ADARB2: variants seen among roughly 807,000 people sequenced by gnomAD.
ADARB2 encodes the protein inactive double-stranded RNA-specific editase B2.
Under a neutral mutation model 62.2 loss-of-function variants are expected in ADARB2, and 25 were observed. That is an observed-to-expected ratio of 0.40 (90% confidence interval 0.29 to 0.56). ADARB2 has a LOEUF of 0.56. Among genes scored for constraint, ADARB2 ranks in the 20% least tolerant of loss-of-function variants. The pLI is 0.43. For synonymous variants in ADARB2, 572 were observed against 500.8 expected (o/e 1.14, Z -1.90); for missense variants, 1,071 against 1,077.4 (o/e 0.99, Z 0.08).
chr10:1,568,296 C>T (rs542476372), intron 1 of ADARB2, among the ~76,000 whole-genome samples: 14 of 152,074 alleles, frequency 9.2e-5, no homozygotes, highest in East Asian at 5.8e-4. Context: ...AAACGCTCAG[C>T]GGGGAGGCGG....
intron 1 of ADARB2, among the ~76,000 whole-genome samples, chr10:1,451,609 GAGGGGACACACCTTCCTGAGA>G: frequency 6.6e-6 from 1 of 151,790 alleles, no homozygotes; most frequent in South Asian, 2.1e-4. Flanking sequence ...CCTGTATAAG[GAGGGGACACACCTTCCTGAGA>G]AGGGGACACA....
intron 2 of ADARB2, among the ~76,000 whole-genome samples, chr10:1,365,667 C>T (rs77270166): frequency 0.018 from 2,777 of 152,280 alleles, 37 homozygotes; most frequent in Middle Eastern, 0.034. Context: ...GGTCGGTGGT[C>T]AGGAGCACAA....
chr10:1,344,000 G>A (rs1312438076), intron 3 of ADARB2, among the ~76,000 whole-genome samples: 1 of 152,128 alleles, frequency 6.6e-6, no homozygotes, highest in African/African-American at 2.4e-5. Flanking sequence ...TAGCAAACCT[G>A]CACATGTACC....
chr10:1,588,804 A>T (rs1253968059), intron 1 of ADARB2, among the ~76,000 whole-genome samples: 1 of 152,154 alleles, frequency 6.6e-6, no homozygotes, highest in South Asian at 2.1e-4. Context: ...TGAGAAAAAG[A>T]TGTGGAGAGC....
intron 3 of ADARB2, among the ~76,000 whole-genome samples, chr10:1,362,332 G>A (rs1832265799): frequency 6.6e-6 from 1 of 152,226 alleles, no homozygotes; most frequent in Non-Finnish European, 1.5e-5. Flanking sequence ...AGAAATATCT[G>A]CTTTTGTTGC....
At chr10:1,575,236 T>C (rs1432012560) in intron 1 of ADARB2, among the ~76,000 whole-genome samples, 1 of 108,750 alleles carries the variant, frequency 9.2e-6, no homozygotes, top group Non-Finnish European at 2.1e-5. Context: ...TTCTACTGTT[T>C]TTGTTTCTTA....
intron 3 of ADARB2, among the ~76,000 whole-genome samples, chr10:1,300,413 C>A (rs1487476389): frequency 1.3e-5 from 2 of 152,194 alleles, no homozygotes; most frequent in African/African-American, 2.4e-5. Context: ...CCCCACACCA[C>A]CTCTCCTTGG....
intron 1 of ADARB2, among the ~76,000 whole-genome samples, chr10:1,543,095 A>C (rs913180142): frequency 1.1e-4 from 17 of 152,224 alleles, no homozygotes; most frequent in African/African-American, 4.1e-4. Flanking sequence ...TTGGGACGGA[A>C]GGGATTCCAC....
At chr10:1,691,794 C>G (rs1564368902) in intron 1 of ADARB2, among the ~76,000 whole-genome samples, 1 of 152,154 alleles carries the variant, frequency 6.6e-6, no homozygotes, top group Non-Finnish European at 1.5e-5. Flanking sequence ...CTGTCTTGCT[C>G]AGATATTAGC....
chr10:1,510,125 T>TTTCTTTCTTTCTTTC (rs1831912896), intron 1 of ADARB2, among the ~76,000 whole-genome samples: 3 of 129,948 alleles, frequency 2.3e-5, no homozygotes, highest in African/African-American at 9.4e-5. Flanking sequence ...TCTTTCTTTC[T>TTTCTTTCTTTCTTTC]TTCTTTCTTT....
intron 4 of ADARB2, among the ~76,000 whole-genome samples, chr10:1,244,498 C>T (rs1029289190): frequency 1.8e-4 from 27 of 152,190 alleles, no homozygotes; most frequent in African/African-American, 6.5e-4. Flanking sequence ...TCCCTTTACC[C>T]CTCATTGATT....
At chr10:1,415,775 G>A (rs1832796612) in intron 1 of ADARB2, among the ~76,000 whole-genome samples, 1 of 152,198 alleles carries the variant, frequency 6.6e-6, no homozygotes, top group African/African-American at 2.4e-5. Context: ...TGATCATAGA[G>A]TCAAAATAAA....
chr10:1,384,510 C>T (rs1832509655), intron 1 of ADARB2, among the ~76,000 whole-genome samples: 1 of 152,180 alleles, frequency 6.6e-6, no homozygotes, highest in Non-Finnish European at 1.5e-5. Context: ...AGTTGCAGCT[C>T]ACCAGCTGTC....
chr10:1,649,100 C>A (rs1308764214), intron 1 of ADARB2, among the ~76,000 whole-genome samples: 1 of 152,214 alleles, frequency 6.6e-6, no homozygotes, highest in East Asian at 1.9e-4. Flanking sequence ...ACCCGGGGTG[C>A]ACAGGCACGG....
At chr10:1,419,663 G>A (rs73578671) in intron 1 of ADARB2, among the ~76,000 whole-genome samples, 5,534 of 152,310 alleles carry the variant, frequency 0.036, 344 homozygotes, top group African/African-American at 0.13. Context: ...GTCTCATGAT[G>A]TCTCTAAGCA....
chr10:1,303,898 C>T (rs1410682949), intron 3 of ADARB2, among the ~76,000 whole-genome samples: 9 of 151,972 alleles, frequency 5.9e-5, no homozygotes, highest in Non-Finnish European at 8.8e-5. Context: ...AAGGAACAAC[C>T]GGTACCAGCC....
At chr10:1,695,975 G>T (rs1406427111) in intron 1 of ADARB2, among the ~76,000 whole-genome samples, 2 of 151,668 alleles carry the variant, frequency 1.3e-5, no homozygotes, top group Admixed American at 1.3e-4. Flanking sequence ...GTATGTGAGA[G>T]AATATGTGCA....
At chr10:1,538,305 T>C (rs1588292817) in intron 1 of ADARB2, among the ~76,000 whole-genome samples, 1 of 152,090 alleles carries the variant, frequency 6.6e-6, no homozygotes, top group Admixed American at 6.6e-5. Context: ...GGCTGGTGGG[T>C]GTCCCACAGG....
chr10:1,556,259 GTC>G (rs1832700161), intron 1 of ADARB2, among the ~76,000 whole-genome samples: 2 of 54,578 alleles, frequency 3.7e-5, no homozygotes, highest in Non-Finnish European at 1.1e-4. Context: ...CAAACAAAAA[GTC>G]TTTTTTTTTT....
Sources: gnomAD v4.1 joint callset for allele counts (sites outside exome capture counted in the v4.1 genomes callset) on GRCh38, gnomAD v4.1.1 for gene constraint, MANE v1.5 for transcripts, NCBI Gene and HGNC (gene_info 2026-07-23, HGNC 2026-07-21) for gene names.